ERCC4: variants seen among roughly 807,000 people sequenced by gnomAD.
ERCC4 encodes the protein ERCC excision repair 4, endonuclease catalytic subunit, also known as DNA repair endonuclease XPF.
Under a neutral mutation model 76.9 loss-of-function variants are expected in ERCC4, and 65 were observed. The ratio of observed to expected loss-of-function variants is 0.84; its 90% CI spans 0.69 to 1.04. The LOEUF (loss-of-function observed/expected upper bound fraction) is 1.04. Among genes scored for constraint, ERCC4 ranks in the 50% least tolerant of loss-of-function variants. The pLI, the probability that ERCC4 is intolerant of heterozygous loss-of-function variation, is 0.00. For missense variants in ERCC4, 1,214 were observed against 1,128.2 expected (o/e 1.08, Z -1.09); for synonymous variants, 463 against 410.1 (o/e 1.13, Z -1.56).
In ERCC4 at chr16:13,937,755, T is replaced by C; in HGVS notation, c.1812-11T>C. 4 of 1,583,758 alleles carry C rather than the reference T, an allele frequency of 2.5e-6. No homozygotes were observed. Among genetic ancestry groups the C allele is most frequent in the Non-Finnish European group, 3.5e-6 (4 of 1,152,400 alleles). On this transcript the variant is annotated splice_polypyrimidine_tract_variant and intron_variant, in intron 8 of 10. Coordinates refer to ENST00000311895, the MANE Select transcript of ERCC4 (RefSeq NM_005236.3). The stretch of plus-strand genomic sequence containing the variant: ...GTTTTTCCAACCTAAAAGTTCTGTC[T>C]TAACATGCAGGGTTTACTTTCTTAT...
chr16:13,930,556 G>GT (rs1389675861), intron 4 of ERCC4, 154 bp from the exon 5 acceptor site: 5 of 613,248 alleles, frequency 8.2e-6, no homozygotes, highest in African/African-American at 3.7e-5. Flanking sequence ...AATGCTTGCA[G>GT]TTTTTTTATT....
intron 4 of ERCC4, among the ~76,000 whole-genome samples, chr16:13,929,261 A>G (rs539118864): frequency 6.6e-6 from 1 of 152,300 alleles, no homozygotes; most frequent in African/African-American, 2.4e-5. Flanking sequence ...TAGATATCCC[A>G]TGTGTCTTGT....
rs765599689 is a variant in ERCC4 at position 13,926,712 on chromosome 16, A to G, written c.540A>G (p.Arg180=). 3 of 1,614,130 alleles carry G rather than the reference A, an allele frequency of 1.9e-6. No individual in the cohort carries two copies. The East Asian group carries it at 6.7e-5, about 36-fold the overall frequency. Reference sequence around the variant, plus strand: ...ATACTGGTTTTTGTCATGTGGAAAGAGTGATGAGAAATCTTTTTGTGAGGA... The same window carrying G: ...ATACTGGTTTTTGTCATGTGGAAAGGGTGATGAGAAATCTTTTTGTGAGGA... ...AFDTGFCHVE[R]VMRNLFVRKL... is the part of the protein sequence containing the mutation. Residue 180 remains arginine (R), a synonymous_variant, in exon 3 of 11, where the codon AGA becomes AGG. Coordinates refer to ENST00000311895, the MANE Select transcript of ERCC4 (RefSeq NM_005236.3).
At position 13,922,212 on chromosome 16, in the gene ERCC4, G is replaced by C; in HGVS notation, c.388+1G>C. The C allele has an allele frequency of 6.3e-7, 1 of 1,585,358 alleles. No homozygotes were observed. Among genetic ancestry groups the C allele is most frequent in the Non-Finnish European group, 8.7e-7 (1 of 1,155,768 alleles). On this transcript the variant is annotated splice_donor_variant, in intron 2 of 10. Coordinates refer to ENST00000311895, the MANE Select transcript of ERCC4 (RefSeq NM_005236.3). LOFTEE classifies it high-confidence loss of function. Reference sequence around the variant, plus strand: ...AGAATACCTTCAGATTTAATTACTGGTAAGAATTTGAAATCTTATTATTAG... The same window carrying C: ...AGAATACCTTCAGATTTAATTACTGCTAAGAATTTGAAATCTTATTATTAG...
chr16:13,925,093 C>CT (rs2032048240), intron 2 of ERCC4, among the ~76,000 whole-genome samples: 2 of 152,154 alleles, frequency 1.3e-5, no homozygotes, highest in Non-Finnish European at 2.9e-5. Context: ...AGTTGCTTCC[C>CT]TTCCTTGGTC....
intron 5 of ERCC4, chr16:13,931,940 C>A: frequency 1.7e-6 from 1 of 571,814 alleles, no homozygotes; most frequent in Non-Finnish European, 3.1e-6. Context: ...CATCACATAG[C>A]CCTGAAAATA....
At chr16:13,936,825 G>T (rs1003615103) in intron 8 of ERCC4, among the ~76,000 whole-genome samples, 3 of 151,248 alleles carry the variant, frequency 2.0e-5, no homozygotes, top group Admixed American at 2.0e-4. Context: ...AGCTTTGACT[G>T]AAGGTGAAGC....
At chr16:13,931,005 T>TTA (rs2032162647) in intron 5 of ERCC4, 115 bp downstream of exon 5, 1 of 734,208 alleles carries the variant, frequency 1.4e-6, no homozygotes, top group Non-Finnish European at 2.4e-6. Flanking sequence ...TACTGAGATT[T>TTA]CAAATTATGT....
chr16:13,926,811 G>A, intron 3 of ERCC4, 55 bp downstream of exon 3: 1 of 1,348,746 alleles, frequency 7.4e-7, no homozygotes, highest in Non-Finnish European at 1.1e-6. Context: ...CTTTGTTTGT[G>A]AGATCTACTG....
At chr16:13,939,157 C>G (rs1396609986) in intron 9 of ERCC4, among the ~76,000 whole-genome samples, 1 of 152,194 alleles carries the variant, frequency 6.6e-6, no homozygotes, top group African/African-American at 2.4e-5. Context: ...AGGCATTATA[C>G]CAGCCGCCTC....
intron 5 of ERCC4, chr16:13,931,151 C>G (rs2032164955): frequency 2.2e-6 from 1 of 452,882 alleles, no homozygotes; most frequent in Non-Finnish European, 4.0e-6. Context: ...GTGTGTAGTA[C>G]AGGCAGTCCT....
At chr16:13,922,695 C>T (rs1439564492) in intron 2 of ERCC4, 4 of 400,980 alleles carry the variant, frequency 1.0e-5, no homozygotes, top group Admixed American at 7.5e-5. Flanking sequence ...AGGCACGGAC[C>T]GGAGAGGGTA....
In ERCC4 at chr16:13,922,033, G is replaced by A. The variant is rs771860466; in HGVS notation, c.210G>A (p.Glu70=). ...TAATCAAGTTTGATTTGATTTAGGA[G>A]TATTTTATCAATCAGCTGAAGATAG... ...LVLNTQPAEE[E]YFINQLKIEG... is the part of the protein sequence containing the mutation. Residue 70 remains glutamate (E), a splice_region_variant and synonymous_variant, in exon 2 of 11, where the codon GAG becomes GAA. Transcript: ENST00000311895. The A allele has an allele frequency of 6.2e-7, 1 of 1,611,920 alleles. No homozygotes were observed. The highest frequency in any genetic ancestry group is 1.1e-5 in the South Asian group (1 of 91,022).
Position 13,935,666 on chromosome 16 carries a change from G to A in ERCC4, c.1734G>A (p.Val578=), listed in dbSNP as rs771912352. Residue 578 remains valine, a synonymous_variant, in exon 8 of 11, where the codon GTG becomes GTA. Coordinates refer to ENST00000311895, the MANE Select transcript of ERCC4 (RefSeq NM_005236.3). ...RVLHEVEPRY[V]VLYDAELTFV... The stretch of plus-strand genomic sequence containing the variant: ...TACATGAAGTGGAGCCAAGATACGT[G>A]GTTCTTTATGACGCAGAGCTAACCT... 5.6e-6 allele frequency: 9 copies of A among 1,613,988 alleles called. No individual in the cohort carries two copies. The highest frequency in any genetic ancestry group is 7.6e-6 in the Non-Finnish European group (9 of 1,180,030).
Position 13,944,703 on chromosome 16 carries a change from G to T in ERCC4, c.1905-20G>T. On this transcript the variant is annotated intron_variant, in intron 9 of 10. Transcript: ENST00000311895. ...TTTTGAAATTTGTTTCAGAAGTGTT[G>T]ACAATGTTTTCTCCCACAGGGAAAA... 1.3e-6 allele frequency: 2 copies of T among 1,522,836 alleles called. No individual in the cohort carries two copies. Among genetic ancestry groups the T allele is most frequent in the South Asian group, 2.2e-5 (2 of 89,152 alleles). 94.3% of individuals were successfully genotyped at this position (1,522,836 alleles called of 1,614,324 possible).
intron 9 of ERCC4, 110 bp from the exon 10 acceptor site, chr16:13,944,613 C>T (rs41540912): frequency 4.0e-6 from 3 of 750,766 alleles, no homozygotes; most frequent in African/African-American, 3.5e-5. Flanking sequence ...TTTTGTTTTT[C>T]TCTTACTGCT....
chr16:13,934,378 G>A (rs1412541279), intron 7 of ERCC4, 76 bp downstream of exon 7: 4 of 973,680 alleles, frequency 4.1e-6, no homozygotes, highest in Non-Finnish European at 6.7e-6. Context: ...CTCTTTAAAA[G>A]TAGTTCAAGA....
At position 13,934,314 on chromosome 16, in the gene ERCC4, G is replaced by T; in HGVS notation, c.1213+12G>T. 6.4e-7 allele frequency: 1 copy of T among 1,561,540 alleles called. No homozygotes were observed. On this transcript the variant is annotated intron_variant, in intron 7 of 10. Transcript: ENST00000311895. ...TCTTGGTGGTCCAGGTAGGAAAAAAGGAGATGAAAACATTTGCTTCCAAAA... is the reference window on the plus strand; with the variant it reads ...TCTTGGTGGTCCAGGTAGGAAAAAATGAGATGAAAACATTTGCTTCCAAAA...
intron 1 of ERCC4, 46 bp downstream of exon 1, chr16:13,920,418 A>C (rs757664200): frequency 6.6e-7 from 1 of 1,504,950 alleles, no homozygotes; most frequent in African/African-American, 1.4e-5. Flanking sequence ...GAGAGTGTTG[A>C]GGGCCTCCTG....
Sources: gnomAD v4.1 joint callset for allele counts (sites outside exome capture counted in the v4.1 genomes callset) on GRCh38, gnomAD v4.1.1 for gene constraint, MANE v1.5 for transcripts, NCBI Gene and HGNC (gene_info 2026-07-23, HGNC 2026-07-21) for gene names.